PIP5K1C: variants seen among roughly 807,000 people sequenced by gnomAD.
The protein encoded by PIP5K1C is phosphatidylinositol-4-phosphate 5-kinase type 1 gamma.
Under a neutral mutation model 80.1 loss-of-function variants are expected in PIP5K1C, and 45 were observed. The observed-to-expected ratio is 0.56, with a 90% CI of 0.44 to 0.72. The LOEUF (loss-of-function observed/expected upper bound fraction) is 0.72, where lower values mean the gene tolerates loss of function less well. Ranked by LOEUF, PIP5K1C falls within the 30% of genes least tolerant of loss-of-function variation. The probability of loss-of-function intolerance (pLI) is 0.00; values close to 1 mark genes in which losing one functional copy is unlikely to be tolerated. For missense variants in PIP5K1C, 753 were observed against 954.6 expected (o/e 0.79, Z 2.78); for synonymous variants, 498 against 420.1 (o/e 1.19, Z -2.27).
chr19:3,645,037 C>T (rs1478408149), intron 11 of PIP5K1C, among the ~76,000 whole-genome samples: 1 of 152,222 alleles, frequency 6.6e-6, no homozygotes, highest in East Asian at 1.9e-4. Context: ...GGAGACAGAT[C>T]CTGACACGTG....
At chr19:3,695,376 G>A (rs542290809) in intron 1 of PIP5K1C, among the ~76,000 whole-genome samples, 9 of 152,346 alleles carry the variant, frequency 5.9e-5, no homozygotes, top group African/African-American at 1.9e-4. Flanking sequence ...GACGGAGGGG[G>A]CACCCAGCTT....
chr19:3,677,479 A>G (rs571916903), intron 1 of PIP5K1C, among the ~76,000 whole-genome samples: 1 of 151,790 alleles, frequency 6.6e-6, no homozygotes, highest in African/African-American at 2.4e-5. Flanking sequence ...GCTACTTGGG[A>G]GGCGGAGGCA....
intron 1 of PIP5K1C, among the ~76,000 whole-genome samples, chr19:3,674,966 C>T (rs1235264647): frequency 2.0e-5 from 3 of 152,156 alleles, no homozygotes; most frequent in Admixed American, 6.5e-5. Flanking sequence ...ACCTTGAAGA[C>T]GTCACACTCA....
Position 3,688,230 on chromosome 19 carries a change from G to GCGTCC in PIP5K1C, c.94+12062_94+12066dup, listed in dbSNP as rs2145599639. 6.6e-6 allele frequency among the ~76,000 whole-genome samples: 1 copy of GCGTCC among 152,334 alleles called. No homozygotes were observed. The highest frequency in any genetic ancestry group is 1.9e-4 in the East Asian group (1 of 5,166). On this transcript the variant is annotated intron_variant, in intron 1 of 17. Transcript: ENST00000335312. The surrounding 1 kb of genome is among the most constrained non-coding windows in gnomAD (Gnocchi z 5.3). Reference sequence around the variant, plus strand: ...GACGCCCCTCGCGGCTGGCTCCCCAGCGTCCCTGTCCTCCAGGGGCGCAGC... The same window carrying GCGTCC: ...GACGCCCCTCGCGGCTGGCTCCCCAGCGTCCCGTCCCTGTCCTCCAGGGGCGCAGC...
intron 15 of PIP5K1C, among the ~76,000 whole-genome samples, chr19:3,641,145 A>G (rs2033943549): frequency 6.6e-6 from 1 of 151,896 alleles, no homozygotes; most frequent in Non-Finnish European, 1.5e-5. Flanking sequence ...AACCTGGGAG[A>G]CGGAGGCTGC....
intron 8 of PIP5K1C, 84 bp downstream of exon 8, chr19:3,651,742 T>C: frequency 7.2e-7 from 1 of 1,387,652 alleles, no homozygotes; most frequent in South Asian, 1.2e-5. Flanking sequence ...TCCCTGCCTG[T>C]TTTCACACTT....
rs186596192 is a variant in PIP5K1C, at chr19:3,640,411, G to A, written c.1787+1294C>T. 5.3e-3 allele frequency among the ~76,000 whole-genome samples: 801 copies of A among 152,218 alleles called. 11 individuals carry two copies. Among genetic ancestry groups the A allele is most frequent in the African/African-American group, 0.018 (743 of 41,546 alleles). On this transcript the variant is annotated intron_variant, in intron 15 of 17. Coordinates refer to ENST00000335312, the MANE Select transcript of PIP5K1C (RefSeq NM_012398.3). Reference sequence around the variant, plus strand: ...CATGCCTGTAATCCCAGCTACTCGGGAGGCTGAGGCAAGAGAATCACTTGA... The same window carrying A: ...CATGCCTGTAATCCCAGCTACTCGGAAGGCTGAGGCAAGAGAATCACTTGA...
chr19:3,637,451 G>T lies in PIP5K1C; in HGVS notation c.1920+1433C>A. 2 of 1,535,716 alleles carry T rather than the reference G, an allele frequency of 1.3e-6. No individual in the cohort carries two copies. Among genetic ancestry groups the T allele is most frequent in the Middle Eastern group, 1.7e-4 (1 of 5,990 alleles). On this transcript the variant is annotated intron_variant, in intron 16 of 17. Coordinates refer to ENST00000335312, the MANE Select transcript of PIP5K1C (RefSeq NM_012398.3). This position sits in a 1 kb window ranked among gnomAD's most constrained non-coding sequence, Gnocchi z 7.0. ...TGGAAAACAACTGACGTCAGACACTGAGCTTCCGGCCGGGGACCTGCGGCT... is the reference window on the plus strand; with the variant it reads ...TGGAAAACAACTGACGTCAGACACTTAGCTTCCGGCCGGGGACCTGCGGCT...
chr19:3,650,814 T>C lies in PIP5K1C; in HGVS notation c.1127+1012A>G, dbSNP rs529903158. 6.6e-5 allele frequency among the ~76,000 whole-genome samples: 10 copies of C among 152,108 alleles called. No homozygotes were observed. The South Asian group carries it at 1.9e-3, about 28-fold the overall frequency. On this transcript the variant is annotated intron_variant, in intron 8 of 17. Coordinates refer to ENST00000335312, the MANE Select transcript of PIP5K1C (RefSeq NM_012398.3). ...TCTTGTTGCCCAGGCTGGAGTGCAA[T>C]AGCTCAATCTCAGCTCACTGCAACC...
At chr19:3,655,883 C>A (rs542218315) in intron 6 of PIP5K1C, among the ~76,000 whole-genome samples, 22 of 152,344 alleles carry the variant, frequency 1.4e-4, no homozygotes, top group African/African-American at 2.4e-4. Flanking sequence ...CCTACTCCCC[C>A]CTCCCGGGGC....
chr19:3,656,586 C>T (rs755139000), intron 5 of PIP5K1C, 29 bp from the exon 6 acceptor site: 1 of 1,612,084 alleles, frequency 6.2e-7, no homozygotes, highest in East Asian at 2.2e-5. Flanking sequence ...GGTCAGCGGG[C>T]CCCAAGCTGC....
At chr19:3,687,295 G>C (rs142994440) in intron 1 of PIP5K1C, among the ~76,000 whole-genome samples, 1 of 152,304 alleles carries the variant, frequency 6.6e-6, no homozygotes, top group African/African-American at 2.4e-5. Flanking sequence ...CTGGGAGGCG[G>C]AGGTTGCAGT....
Position 3,648,903 on chromosome 19 carries a change from C to T in PIP5K1C, c.1128-195G>A, listed in dbSNP as rs1038012122. On this transcript the variant is annotated intron_variant, in intron 8 of 17. Coordinates refer to ENST00000335312, the MANE Select transcript of PIP5K1C (RefSeq NM_012398.3). The surrounding 1 kb of genome is among the most constrained non-coding windows in gnomAD (Gnocchi z 4.3). ...CATCACCCCCAGCCTCAAACCCAGGCCCAGGCACTGCTGAGGAGTCCCAGC... is the reference window on the plus strand; with the variant it reads ...CATCACCCCCAGCCTCAAACCCAGGTCCAGGCACTGCTGAGGAGTCCCAGC... Among the ~76,000 whole-genome samples, 3 of 152,136 alleles carry T rather than the reference C, an allele frequency of 2.0e-5. No individual in the cohort carries two copies. Among genetic ancestry groups the T allele is most frequent in the Non-Finnish European group, 2.9e-5 (2 of 68,000 alleles).
At chr19:3,684,584 TGCCG>T (rs1427442140) in intron 1 of PIP5K1C, among the ~76,000 whole-genome samples, 2 of 152,234 alleles carry the variant, frequency 1.3e-5, no homozygotes, top group Non-Finnish European at 2.9e-5. Context: ...ACAAGCCAGA[TGCCG>T]CAGCAGAACC....
intron 1 of PIP5K1C, among the ~76,000 whole-genome samples, chr19:3,691,702 CCAAT>C (rs2035956559): frequency 1.3e-5 from 2 of 151,794 alleles, no homozygotes; most frequent in African/African-American, 2.4e-5. Flanking sequence ...CTGATTTAAA[CCAAT>C]CAGAGTGCAT....
chr19:3,694,728 A>G (rs1184780926), intron 1 of PIP5K1C, among the ~76,000 whole-genome samples: 1 of 152,136 alleles, frequency 6.6e-6, no homozygotes, highest in Non-Finnish European at 1.5e-5. Context: ...CGGCGCGACT[A>G]TTCCGCTGCC....
At chr19:3,636,858 G>A (rs901509205) in intron 16 of PIP5K1C, 1 of 993,344 alleles carries the variant, frequency 1.0e-6, no homozygotes, top group African/African-American at 1.7e-5. Context: ...AGGCTCTCTG[G>A]GCCCCTTGCT....
At position 3,651,949 on chromosome 19, in the gene PIP5K1C, G is replaced by A. The variant is rs369310562; in HGVS notation, c.1004C>T (p.Ala335Val). 143 of 1,612,516 alleles carry A rather than the reference G, an allele frequency of 8.9e-5. No individual in the cohort carries two copies. In the Middle Eastern group the frequency reaches 1.2e-3, roughly 13 times the overall value. Residue 335 changes from alanine (A) to valine (V), a missense_variant, in exon 8 of 18, where the codon GCG (alanine) becomes GTG (valine). Coordinates refer to ENST00000335312, the MANE Select transcript of PIP5K1C (RefSeq NM_012398.3). ...ATCTGAGGTGCTCTGGGCGCCCTGC[G>A]CCTGCCGCTCGCGCTCGTGCTGGTC... Reference protein sequence around the residue: ...NIDQHERERQAQGAQSTSDEK... With the variant: ...NIDQHERERQVQGAQSTSDEK...
chr19:3,663,365 C>T (rs939723534), intron 3 of PIP5K1C, among the ~76,000 whole-genome samples: 1 of 152,208 alleles, frequency 6.6e-6, no homozygotes, highest in Non-Finnish European at 1.5e-5. Flanking sequence ...CCAGTTTCGG[C>T]CTGTCTCCCT....
Sources: gnomAD v4.1 joint callset for allele counts (sites outside exome capture counted in the v4.1 genomes callset) on GRCh38, gnomAD v4.1.1 for gene constraint, Gnocchi (gnomAD v3.1) non-coding constraint, MANE v1.5 for transcripts, NCBI Gene and HGNC (gene_info 2026-07-23, HGNC 2026-07-21) for gene names.